The following GCDH variants were observed in gnomAD, a reference collection of about 807,000 sequenced individuals.
GCDH encodes glutaryl-CoA dehydrogenase, also known as glutaryl-CoA dehydrogenase, mitochondrial.
GCDH carries 31 observed loss-of-function variants against 52.8 expected under a neutral mutation model. The ratio of observed to expected loss-of-function variants is 0.59; its 90% confidence interval spans 0.44 to 0.79. The LOEUF (loss-of-function observed/expected upper bound fraction) is 0.79. GCDH is among the 30% of genes least tolerant of loss of function. The pLI is 0.00. For synonymous variants in GCDH, 242 were observed against 250.0 expected, an observed-to-expected ratio of 0.97 and a Z score of 0.30; for missense variants, 509 against 595.0, an observed-to-expected ratio of 0.86 and a Z score of 1.50.
intron 5 of GCDH, among the ~76,000 whole-genome samples, 157 bp from the exon 6 acceptor site, chr19:12,893,326 C>T (rs1599609977): frequency 1.3e-5 from 2 of 152,316 alleles, no homozygotes; most frequent in East Asian, 1.9e-4. Context: ...TTGTCCCACC[C>T]TCTGAAAGTG....
At chr19:12,894,314 T>A in intron 6 of GCDH, 1 of 803,178 alleles carries the variant, frequency 1.2e-6, no homozygotes, top group Non-Finnish European at 2.3e-6. Context: ...AAACAAGGTT[T>A]CCCCTTGAAA....
In GCDH at chr19:12,893,504, C is replaced by T. The variant is rs886043840; in HGVS notation, c.356C>T (p.Ser119Leu). 15 of 1,613,948 alleles carry T rather than the reference C, an allele frequency of 9.3e-6. No homozygotes were observed. The highest frequency in any genetic ancestry group is 1.6e-4 in the Middle Eastern group (1 of 6,084). ...CCAGGATATGGCTGTGCTGGGGTTT[C>T]GTCTGTGGCCTATGGGCTCCTGGCC... ...TIKGYGCAGV[S>L]SVAYGLLARE... Residue 119 changes from serine (S) to leucine (L), a missense_variant, in exon 6 of 12, where the codon TCG (serine) becomes TTG (leucine). Coordinates refer to ENST00000222214, the MANE Select transcript of GCDH (RefSeq NM_000159.4).
chr19:12,899,484 C>T lies in GCDH; in HGVS notation c.1260C>T (p.His420=), dbSNP rs777575306. ...VNTYEGTHDI[H]ALILGRAITG... The stretch of plus-strand genomic sequence containing the variant: ...CTTGTCCAGGTACACATGACATTCA[C>T]GCCCTGATCCTTGGGAGAGCTATCA... Residue 420 remains histidine (H), a synonymous_variant, in exon 12 of 12, where the codon CAC becomes CAT. Coordinates refer to ENST00000222214, the MANE Select transcript of GCDH (RefSeq NM_000159.4). The T allele has an allele frequency of 5.6e-6, 9 of 1,614,072 alleles. No homozygotes were observed. Among genetic ancestry groups the T allele is most frequent in the South Asian group, 1.1e-5 (1 of 91,096 alleles).
intron 11 of GCDH, chr19:12,898,264 T>C (rs2145956218): frequency 3.5e-6 from 1 of 289,836 alleles, no homozygotes; most frequent in African/African-American, 2.2e-5. Flanking sequence ...AAAAGTCATC[T>C]TCAGATGACG....
At position 12,897,810 on chromosome 19, in the gene GCDH, A is replaced by T. The variant is rs1286980715; in HGVS notation, c.1190A>T (p.Glu397Val). ...CTGGGGGGGAATGGGATTTCTGACGAGTATCACGTGATCCGGCACGCCATG... is the reference window on the plus strand; with the variant it reads ...CTGGGGGGGAATGGGATTTCTGACGTGTATCACGTGATCCGGCACGCCATG... ...DMLGGNGISD[E>V]YHVIRHAMNL... is the part of the protein sequence containing the mutation. The change falls in exon 11 of 12, where the codon GAG becomes GTG. Residue 397 changes from glutamate (E) to valine (V), a missense_variant. Coordinates refer to ENST00000222214, the MANE Select transcript of GCDH (RefSeq NM_000159.4). The T allele has an allele frequency of 2.5e-6, 4 of 1,613,924 alleles. No individual in the cohort carries two copies. Among genetic ancestry groups the T allele is most frequent in the Non-Finnish European group, 3.4e-6 (4 of 1,179,962 alleles).
rs749758806 is a variant in GCDH at position 12,896,897 on chromosome 19, C to A, written c.853-13C>A. On this transcript the variant is annotated splice_polypyrimidine_tract_variant and intron_variant, in intron 8 of 11. Coordinates refer to ENST00000222214, the MANE Select transcript of GCDH (RefSeq NM_000159.4). This position sits in a 1 kb window ranked among gnomAD's most constrained non-coding sequence, Gnocchi z 5.5. ...CTCTTGGGTGGGCCTGAGGCGCCAT[C>A]TCAACCCTACAGGGTCCCTTCGGCT... 1 of 1,604,784 alleles carries A rather than the reference C, an allele frequency of 6.2e-7. No individual in the cohort carries two copies. Among genetic ancestry groups the A allele is most frequent in the East Asian group, 2.2e-5 (1 of 44,854 alleles).
At chr19:12,899,030 T>A (rs1970766703) in intron 11 of GCDH, 2 of 421,426 alleles carry the variant, frequency 4.7e-6, no homozygotes, top group Non-Finnish European at 8.8e-6. Context: ...CTGTGTTTCC[T>A]TGGAGCTCAG....
At chr19:12,891,676 C>T (rs772284492) in intron 3 of GCDH, 154 bp downstream of exon 3, 6 of 1,604,400 alleles carry the variant, frequency 3.7e-6, no homozygotes, top group Admixed American at 1.7e-5. Context: ...TGCGCTGTGC[C>T]TGCGGGGCCG....
At chr19:12,893,766 G>A (rs1475387121) in intron 6 of GCDH, 113 bp downstream of exon 6, 2 of 1,003,076 alleles carry the variant, frequency 2.0e-6, no homozygotes, top group East Asian at 2.4e-5. Context: ...GATAGCATAA[G>A]TGGCCACCTG....
At position 12,896,325 on chromosome 19, in the gene GCDH, C is replaced by T. The variant is rs867087528; in HGVS notation, c.756C>T (p.Gly252=). 3 of 1,614,148 alleles carry T rather than the reference C, an allele frequency of 1.9e-6. No homozygotes were observed. The highest frequency in any genetic ancestry group is 1.6e-4 in the Middle Eastern group (1 of 6,062). ...MRGLSAPRIQ[G]KFSLRASATG... is the part of the protein sequence containing the mutation. The stretch of plus-strand genomic sequence containing the variant: ...GTCTCTCGGCCCCCAGGATCCAGGG[C>T]AAGTTCTCGCTGCGGGCCTCAGCCA... Residue 252 remains glycine (G), a synonymous_variant, in exon 8 of 12, where the codon GGC becomes GGT. Coordinates refer to ENST00000222214, the MANE Select transcript of GCDH (RefSeq NM_000159.4). This position sits in a 1 kb window ranked among gnomAD's most constrained non-coding sequence, Gnocchi z 5.5.
At chr19:12,893,432 G>A (rs747602966) in intron 5 of GCDH, 51 bp from the exon 6 acceptor site, 1 of 1,508,420 alleles carries the variant, frequency 6.6e-7, no homozygotes, top group Admixed American at 1.7e-5. Context: ...GGTCTTAGCT[G>A]GGCAGGGCCC....
At position 12,896,472 on chromosome 19, in the gene GCDH, C is replaced by T; in HGVS notation, c.852+51C>T. On this transcript the variant is annotated intron_variant, in intron 8 of 11. Transcript: ENST00000222214. This position sits in a 1 kb window ranked among gnomAD's most constrained non-coding sequence, Gnocchi z 5.5. The stretch of plus-strand genomic sequence containing the variant: ...GGTGTTGGGTCACCTGCGGATGCGG[C>T]TTTGTCAGGCAGGCTCCGTGCTGGG... 7.2e-7 allele frequency: 1 copy of T among 1,381,792 alleles called. No individual in the cohort carries two copies. The highest frequency in any genetic ancestry group is 1.0e-6 in the Non-Finnish European group (1 of 985,380). The allele number at this position is 1,381,792 out of a possible 1,614,324, so 85.6% of individuals were successfully genotyped here.
At chr19:12,898,991 T>A in intron 11 of GCDH, 1 of 350,300 alleles carries the variant, frequency 2.9e-6, no homozygotes, top group Non-Finnish European at 5.5e-6. Flanking sequence ...CTGTCCCTCC[T>A]ATCCCTCCCG....
intron 6 of GCDH, among the ~76,000 whole-genome samples, chr19:12,895,777 A>ATTTT (rs56251518): frequency 9.1e-6 from 1 of 110,018 alleles, no homozygotes; most frequent in Non-Finnish European, 1.8e-5. Flanking sequence ...ACATCTGGCT[A>ATTTT]TTTTTTTTTT....
intron 11 of GCDH, among the ~76,000 whole-genome samples, chr19:12,898,593 G>GT (rs1044169549): frequency 1.1e-4 from 16 of 151,408 alleles, no homozygotes; most frequent in South Asian, 4.2e-4. Flanking sequence ...CCATGAGATG[G>GT]TTTTATGCAG....
chr19:12,897,078 C>T (rs1970698967), intron 9 of GCDH, 65 bp downstream of exon 9: 2 of 1,338,904 alleles, frequency 1.5e-6, no homozygotes, highest in South Asian at 1.2e-5. Flanking sequence ...CTCTCTATAC[C>T]ATGGGTGACT....
Position 12,891,670 on chromosome 19 carries a change from C to G in GCDH, c.127+148C>G, listed in dbSNP as rs561029001. 594 of 1,605,086 alleles carry G rather than the reference C, an allele frequency of 3.7e-4. 8 individuals carry two copies. In the South Asian group the frequency reaches 6.3e-3, roughly 17 times the overall value. On this transcript the variant is annotated intron_variant, in intron 3 of 11. Transcript: ENST00000222214. The stretch of plus-strand genomic sequence containing the variant: ...CAGAGGCACTAAGGCAGTGAGTGCG[C>G]TGTGCCTGCGGGGCCGGAGAAAAGT...
intron 6 of GCDH, 34 bp from the exon 7 acceptor site, chr19:12,895,958 C>G: frequency 6.2e-7 from 1 of 1,613,122 alleles, no homozygotes; most frequent in South Asian, 1.1e-5. Context: ...TATCAGGGAC[C>G]AGGCAGCCTT....
intron 6 of GCDH, chr19:12,894,055 GA>G: frequency 3.0e-6 from 2 of 675,928 alleles, no homozygotes; most frequent in Non-Finnish European, 5.1e-6. Flanking sequence ...ACAAAAAAAG[GA>G]AAGAGCCTAT....
Sources: gnomAD v4.1 joint callset for allele counts (sites outside exome capture counted in the v4.1 genomes callset) on GRCh38, gnomAD v4.1.1 for gene constraint, Gnocchi (gnomAD v3.1) non-coding constraint, MANE v1.5 for transcripts, NCBI Gene and HGNC (gene_info 2026-07-23, HGNC 2026-07-21) for gene names.